CFAP47: variants seen among roughly 807,000 people sequenced by gnomAD.
The protein encoded by CFAP47 is cilia and flagella associated protein 47.
A neutral mutation model predicts 148.1 loss-of-function variants in CFAP47; 29 were observed. That is an observed-to-expected ratio of 0.20 (90% CI 0.15 to 0.27). The LOEUF (loss-of-function observed/expected upper bound fraction) is 0.27. Ranked by LOEUF, CFAP47 falls within the 10% of genes least tolerant of loss-of-function variation. CFAP47 has a pLI of 1.00. For missense variants in CFAP47, 1,872 were observed against 1,697.5 expected (o/e 1.10, Z -1.81); for synonymous variants, 664 against 577.3 (o/e 1.15, Z -2.15).
rs189001120 is a variant in CFAP47, at chrX:36,065,909, A to G, written c.4318+166A>G. On this transcript the variant is annotated intron_variant, in intron 27 of 63. Coordinates refer to ENST00000378653, the MANE Select transcript of CFAP47 (RefSeq NM_001304548.2). ...AGAATCTGTATGTCTCTTAATTCCA[A>G]AAGTTGACGATCTAGTTTGAATAGA... Among the ~76,000 whole-genome samples, 472 of 112,150 alleles carry G rather than the reference A, an allele frequency of 4.2e-3. 3 individuals carry two copies. The highest frequency in any genetic ancestry group is 0.013 in the African/African-American group (405 of 30,934).
chrX:35,945,607 C>T (rs948800583), intron 3 of CFAP47, among the ~76,000 whole-genome samples: 2 of 111,467 alleles, frequency 1.8e-5, no homozygotes, highest in African/African-American at 6.5e-5. Flanking sequence ...TCACTTCCTA[C>T]CCCCTTAGTC....
At chrX:36,079,025 A>G (rs915022853) in intron 29 of CFAP47, among the ~76,000 whole-genome samples, 4 of 111,725 alleles carry the variant, frequency 3.6e-5, no homozygotes, top group African/African-American at 1.3e-4. Context: ...TCTGGCTTGT[A>G]GGGTTTCTGC....
chrX:36,363,950 G>A (rs1162966591), intron 61 of CFAP47, among the ~76,000 whole-genome samples: 8 of 111,596 alleles, frequency 7.2e-5, no homozygotes, highest in South Asian at 3.7e-4. Context: ...TTAACAGGTC[G>A]TAACTTTTTT....
intron 60 of CFAP47, among the ~76,000 whole-genome samples, chrX:36,353,925 T>C (rs782557526): frequency 1.1e-4 from 12 of 111,845 alleles, no homozygotes; most frequent in Non-Finnish European, 2.3e-4. Flanking sequence ...CCATCAATAG[T>C]GAGAAGAGAG....
intron 62 of CFAP47, among the ~76,000 whole-genome samples, chrX:36,371,730 G>GTGTATATATGTGTGTATATACACACA (rs1569329288): frequency 1.9e-4 from 8 of 43,173 alleles, no homozygotes; most frequent in African/African-American, 7.3e-4. Flanking sequence ...ATACACACAT[G>GTGTATATATGTGTGTATATACACACA]TGTGTATATA....
chrX:36,085,493 T>C lies in CFAP47; in HGVS notation c.4871T>C (p.Val1624Ala). 8.3e-7 allele frequency: 1 copy of C among 1,205,457 alleles called. No homozygotes were observed. Among genetic ancestry groups the C allele is most frequent in the Non-Finnish European group, 1.1e-6 (1 of 890,971 alleles). ...CCTGTAGATAACCATGAAAAAAGGG[T>C]AATTCAACTCCATTTGCAACATTCC... ...SLPVDNHEKR[V>A]IQLHLQHSSL... The change falls in exon 30 of 64, where the codon GTA becomes GCA. Residue 1624 changes from valine to alanine, a missense_variant. Val to Ala is a moderately conservative substitution (Grantham distance 64, BLOSUM62 0). Coordinates refer to ENST00000378653, the MANE Select transcript of CFAP47 (RefSeq NM_001304548.2).
chrX:36,249,179 GAGAGT>G (rs1555997711), intron 48 of CFAP47, among the ~76,000 whole-genome samples: 1 of 109,939 alleles, frequency 9.1e-6, no homozygotes, highest in Non-Finnish European at 1.9e-5. Flanking sequence ...GGCAGTAAGA[GAGAGT>G]AGAGTGAAAT....
intron 56 of CFAP47, among the ~76,000 whole-genome samples, chrX:36,313,083 A>G (rs1224942003): frequency 3.6e-5 from 4 of 111,414 alleles, no homozygotes; most frequent in Non-Finnish European, 7.5e-5. Context: ...TGATCTACAG[A>G]AAAACATGGT....
At chrX:35,994,805 TGAG>T (rs922427213) in intron 18 of CFAP47, among the ~76,000 whole-genome samples, 2 of 111,410 alleles carry the variant, frequency 1.8e-5, no homozygotes, top group Non-Finnish European at 3.8e-5. Context: ...TATAGTATAA[TGAG>T]ACTCATTTAT....
Position 36,348,488 on chromosome X carries a change from C to CAT in CFAP47, c.8603+211_8603+212dup, listed in dbSNP as rs1246424554. ...TATAATGTATAGAAAATAATATATACATATATATATATCTCTAATGGTTGA... is the reference window on the plus strand; with the variant it reads ...TATAATGTATAGAAAATAATATATACATATATATATATATCTCTAATGGTTGA... On this transcript the variant is annotated intron_variant, in intron 58 of 63. Transcript: ENST00000378653. 1.1e-3 allele frequency among the ~76,000 whole-genome samples: 120 copies of CAT among 109,304 alleles called. 2 individuals carry two copies. Among genetic ancestry groups the CAT allele is most frequent in the African/African-American group, 3.5e-3 (106 of 30,153 alleles). The allele number at this position is 109,304 out of a possible 115,157, so 94.9% of individuals were successfully genotyped here. A position where few individuals can be genotyped will look rare whatever the true frequency, so the allele number is the denominator to read the frequency against.
intron 22 of CFAP47, among the ~76,000 whole-genome samples, chrX:36,027,384 G>A (rs139168303): frequency 0.038 from 4,129 of 108,989 alleles, 182 homozygotes; most frequent in African/African-American, 0.12. Flanking sequence ...ACTCCATGGG[G>A]TATGTCCATG....
At chrX:36,084,734 G>A (rs1938049032) in intron 29 of CFAP47, among the ~76,000 whole-genome samples, 1 of 111,907 alleles carries the variant, frequency 8.9e-6, no homozygotes, top group Non-Finnish European at 1.9e-5. Context: ...TGCAGTATCT[G>A]ATTTAAAGAA....
chrX:35,924,097 A>G (rs758635299), intron 1 of CFAP47, among the ~76,000 whole-genome samples: 22 of 99,443 alleles, frequency 2.2e-4, no homozygotes, highest in East Asian at 6.4e-4. Flanking sequence ...ATGCGTACAT[A>G]TATGTATATA....
chrX:36,095,905 G>A lies in CFAP47; in HGVS notation c.4917-2888G>A, dbSNP rs772733953. On this transcript the variant is annotated intron_variant, in intron 30 of 63. Coordinates refer to ENST00000378653, the MANE Select transcript of CFAP47 (RefSeq NM_001304548.2). ...TTTTCTTCTATTACTTTGGGATTTC[G>A]CTTGCTCTTGCTTTTCTCTTTCCTT... 6.0e-4 allele frequency among the ~76,000 whole-genome samples: 66 copies of A among 110,581 alleles called. 1 individual carries two copies. Among genetic ancestry groups the A allele is most frequent in the South Asian group, 3.7e-4 (1 of 2,688 alleles).
chrX:36,358,908 C>G (rs782025717), intron 60 of CFAP47, among the ~76,000 whole-genome samples: 2 of 111,370 alleles, frequency 1.8e-5, no homozygotes, highest in African/African-American at 3.3e-5. Context: ...GAATCCTTAG[C>G]AGTGATGTTC....
chrX:36,160,567 C>T (rs1939417456), intron 38 of CFAP47, 114 bp from the exon 39 acceptor site: 1 of 265,462 alleles, frequency 3.8e-6, no homozygotes, highest in South Asian at 2.5e-4. Flanking sequence ...GTGGGAAGTA[C>T]TGTCAGTGTA....
At chrX:36,250,042 T>C (rs1300762406) in intron 48 of CFAP47, among the ~76,000 whole-genome samples, 1 of 111,592 alleles carries the variant, frequency 9.0e-6, no homozygotes, top group East Asian at 2.8e-4. Context: ...AACTATCATA[T>C]GATTCTGTAA....
At position 36,188,609 on chromosome X, in the gene CFAP47, T is replaced by C; in HGVS notation, c.6105-11T>C. The C allele has an allele frequency of 3.4e-6, 1 of 297,508 alleles. No individual in the cohort carries two copies. The highest frequency in any genetic ancestry group is 5.9e-6 in the Non-Finnish European group (1 of 170,106). 24.5% of individuals were successfully genotyped at this position (297,508 alleles called of 1,213,427 possible). ...TGTTGTTGATGTTGTTTTCCTATTT[T>C]CTTGTGTCAGTGATGATATGAGTAG... is the stretch of plus-strand genomic sequence containing the variant. On this transcript the variant is annotated splice_polypyrimidine_tract_variant and intron_variant, in intron 40 of 63. Transcript: ENST00000378653.
intron 62 of CFAP47, among the ~76,000 whole-genome samples, chrX:36,370,771 T>C (rs781968784): frequency 9.0e-5 from 10 of 111,352 alleles, no homozygotes; most frequent in Non-Finnish European, 1.5e-4. Context: ...GACCTAATTA[T>C]ATTCAGGATT....
Sources: allele counts gnomAD v4.1 joint callset (sites outside exome capture counted in the v4.1 genomes callset), GRCh38; gene constraint gnomAD v4.1.1; transcripts MANE v1.5; gene names NCBI Gene and HGNC (gene_info 2026-07-23, HGNC 2026-07-21).